Variants in SLC2A14 observed in about 807,000 individuals in gnomAD.
SLC2A14 encodes the protein solute carrier family 2 member 14.
Under a neutral mutation model 43.0 loss-of-function variants are expected in SLC2A14, and 13 were observed. The observed-to-expected ratio is 0.30, with a 90% CI of 0.20 to 0.48. SLC2A14 has a LOEUF of 0.48. Among genes scored for constraint, SLC2A14 ranks in the 20% least tolerant of loss-of-function variants. The pLI is 0.99. For synonymous variants in SLC2A14, 190 were observed against 233.8 expected, an observed-to-expected ratio of 0.81 and a Z score of 1.71; for missense variants, 428 against 620.4, an observed-to-expected ratio of 0.69 and a Z score of 3.29.
rs142845732 is a variant in SLC2A14, at chr12:7,890,960, C to T, written c.132+36G>A. The T allele has an allele frequency of 7.6e-3, 11,550 of 1,515,482 alleles. 78 individuals carry two copies. Among genetic ancestry groups the T allele is most frequent in the Non-Finnish European group, 9.7e-3 (10,985 of 1,134,244 alleles). The allele number at this position is 1,515,482 out of a possible 1,614,324, so 93.9% of individuals were successfully genotyped here. On this transcript the variant is annotated intron_variant, in intron 1 of 9. Transcript: ENST00000539924. ...AAGAAATCATCCTCGACATGGACTACCTGCCTTGAAGCATGATCTATCTAG... is the reference window on the plus strand; with the variant it reads ...AAGAAATCATCCTCGACATGGACTATCTGCCTTGAAGCATGATCTATCTAG...
intron 1 of SLC2A14, among the ~76,000 whole-genome samples, chr12:7,887,930 G>C (rs948441713): frequency 6.6e-6 from 1 of 152,030 alleles, no homozygotes. Context: ...TCAGAGTCAC[G>C]AGTCAAACTG....
chr12:7,839,922 TACAAAA>T (rs1865788694), intron 2 of SLC2A14: 1 of 68,654 alleles, frequency 1.5e-5, no homozygotes. Context: ...ACCCTGTCTC[TACAAAA>T]AAAAAAAAAA....
At chr12:7,858,867 G>C (rs1479414426) in intron 2 of SLC2A14, among the ~76,000 whole-genome samples, 1 of 152,012 alleles carries the variant, frequency 6.6e-6, no homozygotes, top group Non-Finnish European at 1.5e-5. Context: ...TGTTGTCATA[G>C]CTAAGAAATC....
chr12:7,882,113 A>G (rs1466387030), intron 1 of SLC2A14, among the ~76,000 whole-genome samples: 3 of 151,992 alleles, frequency 2.0e-5, no homozygotes, highest in Admixed American at 1.3e-4. Flanking sequence ...TTTTCTTTGC[A>G]ATAAGTCTTG....
At chr12:7,875,295 G>C (rs1945444518), upstream of SLC2A14, among the ~76,000 whole-genome samples, 1 of 144,172 alleles carries the variant, frequency 6.9e-6, no homozygotes, top group South Asian at 2.1e-4. Context: ...ATTACCTGAG[G>C]CTAGGAGTTC....
intron 2 of SLC2A14, among the ~76,000 whole-genome samples, chr12:7,868,305 T>C (rs1945036320): frequency 1.3e-5 from 2 of 152,202 alleles, no homozygotes; most frequent in Admixed American, 1.3e-4. Context: ...TTAGACACAA[T>C]GCTATTGTAC....
chr12:7,881,672 G>A (rs912893531), intron 1 of SLC2A14, among the ~76,000 whole-genome samples: 2 of 152,174 alleles, frequency 1.3e-5, no homozygotes, highest in Non-Finnish European at 2.9e-5. Flanking sequence ...CGCAGGGTGC[G>A]GGACTGGCAG....
At chr12:7,815,387 C>T (rs1863346531) in intron 10 of SLC2A14, among the ~76,000 whole-genome samples, 2 of 152,036 alleles carry the variant, frequency 1.3e-5, no homozygotes, top group South Asian at 2.1e-4. Context: ...CTGCATTCCA[C>T]CGTGGGCAAC....
chr12:7,864,251 C>A (rs1004948999), intron 2 of SLC2A14, among the ~76,000 whole-genome samples: 2 of 152,056 alleles, frequency 1.3e-5, no homozygotes, highest in Admixed American at 6.6e-5. Flanking sequence ...ATACATGGGG[C>A]CTTTTGCAGA....
intron 3 of SLC2A14, among the ~76,000 whole-genome samples, chr12:7,832,362 T>C (rs929583606): frequency 3.9e-5 from 6 of 152,254 alleles, no homozygotes; most frequent in East Asian, 3.9e-4. Context: ...TGTATTACTA[T>C]AGGGTGAAAG....
intron 2 of SLC2A14, among the ~76,000 whole-genome samples, chr12:7,846,211 ACCAGCTCT>A (rs1325457987): frequency 1.5e-4 from 23 of 152,120 alleles, no homozygotes; most frequent in Admixed American, 1.5e-3. Flanking sequence ...TTTGTGTCTA[ACCAGCTCT>A]CCAGGTGGAG....
intron 7 of SLC2A14, among the ~76,000 whole-genome samples, chr12:7,822,789 T>A (rs1377200666): frequency 6.6e-6 from 1 of 152,196 alleles, no homozygotes; most frequent in African/African-American, 2.4e-5. Context: ...GTGATCCTCC[T>A]GCCTCTCAGC....
chr12:7,874,497 C>T (rs974896695), upstream of SLC2A14, among the ~76,000 whole-genome samples: 4 of 151,554 alleles, frequency 2.6e-5, no homozygotes, highest in African/African-American at 9.7e-5. Flanking sequence ...CATGGTGAAA[C>T]CCCGTCTCTA....
At chr12:7,831,563 T>C in intron 4 of SLC2A14, 41 bp downstream of exon 4, 2 of 1,611,390 alleles carry the variant, frequency 1.2e-6, no homozygotes, top group South Asian at 2.2e-5. Context: ...CCCCAATGCA[T>C]CTGGTAGAGC....
At chr12:7,889,848 G>A (rs188592830) in intron 1 of SLC2A14, among the ~76,000 whole-genome samples, 6 of 152,166 alleles carry the variant, frequency 3.9e-5, no homozygotes, top group Non-Finnish European at 5.9e-5. Flanking sequence ...CCATTTTTAT[G>A]GTTATTACTT....
chr12:7,878,981 A>AC (rs1459633920), intron 1 of SLC2A14, among the ~76,000 whole-genome samples: 5 of 86,050 alleles, frequency 5.8e-5, no homozygotes, highest in African/African-American at 2.2e-4. Context: ...CGTCTCAAAA[A>AC]AAAAAAAAAA....
intron 1 of SLC2A14, among the ~76,000 whole-genome samples, chr12:7,889,233 C>CGTT (rs71451926): frequency 7.6e-6 from 1 of 132,360 alleles, no homozygotes; most frequent in Admixed American, 8.0e-5. Context: ...GCTGGTTGCC[C>CGTT]TTTTTTTTTT....
intron 2 of SLC2A14, among the ~76,000 whole-genome samples, chr12:7,857,689 C>T (rs769570874): frequency 3.3e-5 from 5 of 152,222 alleles, no homozygotes; most frequent in African/African-American, 1.2e-4. Flanking sequence ...CCTATATCTG[C>T]GCTCCCTTTT....
upstream of SLC2A14, chr12:7,873,165 G>A: frequency 4.1e-6 from 4 of 985,718 alleles, no homozygotes; most frequent in South Asian, 4.7e-5. Context: ...CCGGGCGGGG[G>A]AACTCTTTAC....
Sources: gnomAD v4.1 joint callset for allele counts (sites outside exome capture counted in the v4.1 genomes callset) on GRCh38, gnomAD v4.1.1 for gene constraint, MANE v1.5 for transcripts, NCBI Gene and HGNC (gene_info 2026-07-23, HGNC 2026-07-21) for gene names.